Variants in NSF observed in about 807,000 individuals in gnomAD.
The protein encoded by NSF is vesicle-fusing ATPase.
In NSF, 14 loss-of-function variants were observed where a neutral mutation model predicts 50.3. The ratio of observed to expected loss-of-function variants is 0.28; its 90% CI spans 0.18 to 0.44. NSF has a LOEUF of 0.44. Ranked by LOEUF, NSF falls within the 20% of genes least tolerant of loss-of-function variation. The probability of loss-of-function intolerance (pLI) is 1.00; values close to 1 mark genes in which losing one functional copy is unlikely to be tolerated. For synonymous variants in NSF, 109 were observed against 175.7 expected (o/e 0.62, Z 3.00); for missense variants, 218 against 504.3 (o/e 0.43, Z 5.44).
intron 16 of NSF, among the ~76,000 whole-genome samples, chr17:46,727,277 A>G (rs2058899241): frequency 2.0e-5 from 3 of 152,332 alleles, no homozygotes; most frequent in Non-Finnish European, 4.4e-5. Flanking sequence ...CTTAACTCAT[A>G]AGAAATAAAC....
intron 17 of NSF, among the ~76,000 whole-genome samples, chr17:46,745,397 T>G (rs571289800): frequency 6.6e-6 from 1 of 152,336 alleles, no homozygotes; most frequent in Admixed American, 6.5e-5. Context: ...CATGACCTCT[T>G]TGCAGTTTTT....
chr17:46,723,907 AC>A (rs2058858810), intron 15 of NSF, among the ~76,000 whole-genome samples: 1 of 152,196 alleles, frequency 6.6e-6, no homozygotes, highest in African/African-American at 2.4e-5. Flanking sequence ...ATTGCTTATA[AC>A]CCTTTAGTGG....
chr17:46,709,122 C>A (rs1183223329), intron 13 of NSF, among the ~76,000 whole-genome samples: 1 of 152,054 alleles, frequency 6.6e-6, no homozygotes, highest in African/African-American at 2.4e-5. Context: ...TGCACCTGGC[C>A]TGTTATATAT....
chr17:46,726,460 T>C lies in NSF; in HGVS notation c.1762-89T>C, dbSNP rs753283475. The C allele has an allele frequency of 2.6e-6, 3 of 1,141,560 alleles. No individual in the cohort carries two copies. The Admixed American group carries it at 5.1e-5, about 19-fold the overall frequency. The allele number at this position is 1,141,560 out of a possible 1,614,324, so 70.7% of individuals were successfully genotyped here. On this transcript the variant is annotated intron_variant, in intron 15 of 20. Transcript: ENST00000398238. ...TGTTGGTGTTTTCCTGTGCTTTGTT[T>C]AGTATTGCTCAAGAAGTAACTAAAC... is the stretch of plus-strand genomic sequence containing the variant.
intron 1 of NSF, among the ~76,000 whole-genome samples, chr17:46,606,120 A>G (rs2057957761): frequency 1.6e-5 from 1 of 61,260 alleles, no homozygotes; most frequent in Non-Finnish European, 2.8e-5. Flanking sequence ...CAGAGGTTGC[A>G]GTGAGCCGAA....
chr17:46,655,986 C>A (rs1598659823), intron 8 of NSF, among the ~76,000 whole-genome samples: 2 of 73,876 alleles, frequency 2.7e-5, no homozygotes, highest in Non-Finnish European at 4.8e-5. Context: ...AGAAAAAGAT[C>A]ATTTGGAAGG....
In NSF at chr17:46,754,962, A is replaced by G. The variant is rs144700712; in HGVS notation, c.2158-352A>G. Among the ~76,000 whole-genome samples the G allele has an allele frequency of 4.6e-5, 7 of 152,346 alleles. No homozygotes were observed. In the East Asian group the frequency reaches 7.7e-4, roughly 17 times the overall value. ...ACTTTAGTAGCCTTTTACACCTTCA[A>G]CAGGTGAATTGGTTGTCATTTGAAC... On this transcript the variant is annotated intron_variant, in intron 19 of 20. Coordinates refer to ENST00000398238, the MANE Select transcript of NSF (RefSeq NM_006178.4).
At chr17:46,738,503 G>A (rs752482639) in intron 17 of NSF, among the ~76,000 whole-genome samples, 1 of 152,124 alleles carries the variant, frequency 6.6e-6, no homozygotes, top group Admixed American at 6.5e-5. Flanking sequence ...TAATGAATAA[G>A]GACCATCATA....
intron 12 of NSF, among the ~76,000 whole-genome samples, chr17:46,699,402 G>GACACACACAC (rs4061825): frequency 2.0e-4 from 30 of 148,302 alleles, no homozygotes; most frequent in African/African-American, 4.2e-4. Flanking sequence ...ATAAACTGAG[G>GACACACACAC]ACACACACAC....
intron 16 of NSF, 99 bp downstream of exon 16, chr17:46,726,714 G>A: frequency 2.9e-6 from 3 of 1,048,212 alleles, no homozygotes; most frequent in South Asian, 1.3e-5. Flanking sequence ...AAACTGTAAA[G>A]CAATAGAAAT....
chr17:46,676,294 G>C (rs1241331327), intron 9 of NSF, among the ~76,000 whole-genome samples: 1 of 140,824 alleles, frequency 7.1e-6, no homozygotes, highest in Non-Finnish European at 1.5e-5. Flanking sequence ...GTGCAATGGC[G>C]TGATCTCGGC....
At chr17:46,735,000 G>A (rs916442082) in intron 17 of NSF, among the ~76,000 whole-genome samples, 3 of 152,134 alleles carry the variant, frequency 2.0e-5, no homozygotes, top group Non-Finnish European at 2.9e-5. Flanking sequence ...GCAGGAAGCT[G>A]ATTCTTACCA....
intron 15 of NSF, among the ~76,000 whole-genome samples, chr17:46,718,296 A>T (rs2058794633): frequency 6.6e-6 from 1 of 152,216 alleles, no homozygotes; most frequent in Admixed American, 6.5e-5. Context: ...CATACTGGCC[A>T]TGCCGGGCCA....
chr17:46,724,694 A>T (rs186422618), intron 15 of NSF, among the ~76,000 whole-genome samples: 79 of 152,322 alleles, frequency 5.2e-4, no homozygotes, highest in Middle Eastern at 3.4e-3. Context: ...TGAAAGTAGG[A>T]TTATTTTTGT....
intron 19 of NSF, among the ~76,000 whole-genome samples, chr17:46,754,320 G>A (rs2059212735): frequency 1.3e-5 from 2 of 149,766 alleles, no homozygotes; most frequent in African/African-American, 4.9e-5. Flanking sequence ...TTCTGGGATA[G>A]AAGAAATCTT....
rs909729990 is a variant in NSF, at chr17:46,751,899, G to A, written c.2157+283G>A. On this transcript the variant is annotated intron_variant, in intron 19 of 20. Transcript: ENST00000398238. ...CTAGAAAAGACTTCAAAGAGCAGTC[G>A]TTCTTCTGCCCCCTCATTTTGGAGA... Among the ~76,000 whole-genome samples the A allele has an allele frequency of 7.2e-5, 11 of 152,264 alleles. No homozygotes were observed. In the South Asian group the frequency reaches 1.0e-3, roughly 14 times the overall value.
chr17:46,711,075 C>G lies in NSF; in HGVS notation c.1583C>G (p.Thr528Ser). ...GATGGGGAGCTGCTGGTGCAGCAGA[C>G]TAAGAACAGTGACCGCACACCATTG... Reference protein sequence around the residue: ...LDDGELLVQQTKNSDRTPLVS... With the variant: ...LDDGELLVQQSKNSDRTPLVS... The change falls in exon 14 of 21, where the codon ACT (threonine) becomes AGT (serine). Residue 528 changes from threonine (T) to serine (S), a missense_variant. This residue lies in a region of NSF where 209 missense variants were observed against 320.9 expected (regional missense o/e 0.65). Coordinates refer to ENST00000398238, the MANE Select transcript of NSF (RefSeq NM_006178.4). The G allele has an allele frequency of 6.3e-7, 1 of 1,578,828 alleles. No homozygotes were observed. The highest frequency in any genetic ancestry group is 8.6e-7 in the Non-Finnish European group (1 of 1,167,366).
intron 15 of NSF, among the ~76,000 whole-genome samples, chr17:46,717,870 C>A (rs761229435): frequency 1.3e-5 from 2 of 152,074 alleles, no homozygotes; most frequent in Non-Finnish European, 2.9e-5. Context: ...GAAAGCTGAC[C>A]GAACTGGAGC....
At chr17:46,736,340 C>T (rs992038687) in intron 17 of NSF, among the ~76,000 whole-genome samples, 1 of 152,184 alleles carries the variant, frequency 6.6e-6, no homozygotes, top group South Asian at 2.1e-4. Flanking sequence ...TTGCTTGTGG[C>T]TGAAGTTCCC....
Sources: gnomAD v4.1 joint callset for allele counts (sites outside exome capture counted in the v4.1 genomes callset) on GRCh38, gnomAD v4.1.1 for gene constraint, gnomAD v4.1.1 regional missense constraint, MANE v1.5 for transcripts, NCBI Gene and HGNC (gene_info 2026-07-23, HGNC 2026-07-21) for gene names.